GLS: variants seen among roughly 807,000 people sequenced by gnomAD.
The protein encoded by GLS is glutaminase kidney isoform, mitochondrial.
Under a neutral mutation model 86.7 loss-of-function variants are expected in GLS, and 36 were observed. That is an observed-to-expected ratio of 0.42 (90% CI 0.32 to 0.55). GLS has a LOEUF of 0.55. Ranked by LOEUF, GLS falls within the 20% of genes least tolerant of loss-of-function variation. The pLI is 0.17. For missense variants in GLS, 528 were observed against 833.4 expected, an observed-to-expected ratio of 0.63 and a Z score of 4.51; for synonymous variants, 317 against 305.9, an observed-to-expected ratio of 1.04 and a Z score of -0.38.
chr2:190,907,001 C>T (rs1304671667), intron 6 of GLS, among the ~76,000 whole-genome samples: 3 of 149,922 alleles, frequency 2.0e-5, no homozygotes, highest in Non-Finnish European at 4.4e-5. Flanking sequence ...ATGATCTCGG[C>T]TTACTGCAAG....
At chr2:190,946,719 G>A (rs1421108898) in intron 14 of GLS, among the ~76,000 whole-genome samples, 2 of 151,798 alleles carry the variant, frequency 1.3e-5, no homozygotes, top group Admixed American at 1.3e-4. Flanking sequence ...CTCCCCTCCC[G>A]CTTTGGTCCC....
At chr2:190,899,965 TTAA>T (rs1267505282) in intron 3 of GLS, among the ~76,000 whole-genome samples, 18 of 151,014 alleles carry the variant, frequency 1.2e-4, no homozygotes, top group Non-Finnish European at 2.5e-4. Flanking sequence ...TAATATAAAA[TTAA>T]TTATTACACT....
intron 7 of GLS, chr2:190,919,639 A>T: frequency 1.2e-6 from 1 of 812,270 alleles, no homozygotes; most frequent in Non-Finnish European, 1.5e-6. Context: ...ATTAGGATCT[A>T]TGGAATATTT....
Position 190,904,144 on chromosome 2 carries a change from C to CT in GLS, c.816-850dup, listed in dbSNP as rs1174255955. On this transcript the variant is annotated intron_variant, in intron 5 of 17. Transcript: ENST00000320717. The stretch of plus-strand genomic sequence containing the variant: ...TCTGTCATGTTTATAAAACTGGATG[C>CT]TTTTTTTTTTAATGGGGCCCAGGAT... Among the ~76,000 whole-genome samples, 123 of 144,338 alleles carry CT rather than the reference C, an allele frequency of 8.5e-4. 2 individuals are homozygous for CT. Among genetic ancestry groups the CT allele is most frequent in the Middle Eastern group, 3.6e-3 (1 of 280 alleles). The allele number at this position is 144,338 out of a possible 152,430, so 94.7% of individuals were successfully genotyped here. A position where few individuals can be genotyped will look rare whatever the true frequency, so the allele number is the denominator to read the frequency against.
At chr2:190,942,068 T>TC (rs1690452791) in intron 14 of GLS, among the ~76,000 whole-genome samples, 2 of 29,058 alleles carry the variant, frequency 6.9e-5, no homozygotes, top group Non-Finnish European at 1.2e-4. Context: ...CTTTGAAGAC[T>TC]TTTTTTTTTT....
Position 190,914,351 on chromosome 2 carries a change from T to C in GLS, c.1038+4030T>C, listed in dbSNP as rs1483875663. 2.0e-5 allele frequency among the ~76,000 whole-genome samples: 3 copies of C among 152,092 alleles called. No homozygotes were observed. Among genetic ancestry groups the C allele is most frequent in the Non-Finnish European group, 4.4e-5 (3 of 67,986 alleles). On this transcript the variant is annotated intron_variant, in intron 7 of 17. Transcript: ENST00000320717. The surrounding 1 kb of genome is among the most constrained non-coding windows in gnomAD (Gnocchi z 4.4). ...AGTTTGTGACTCTCAGAGTAATGCATGATGCCTTGGACTTGCAACATTCAG... is the reference window on the plus strand; with the variant it reads ...AGTTTGTGACTCTCAGAGTAATGCACGATGCCTTGGACTTGCAACATTCAG...
Position 190,905,151 on chromosome 2 carries a change from AT to A in GLS, c.968del (p.Leu323Ter), listed in dbSNP as rs758474624. 6.3e-7 allele frequency: 1 copy of A among 1,592,408 alleles called. No homozygotes were observed. Among genetic ancestry groups the A allele is most frequent in the Non-Finnish European group, 8.6e-7 (1 of 1,164,120 alleles). On this transcript the variant is annotated frameshift_variant, in exon 6 of 18. Coordinates refer to ENST00000320717, the MANE Select transcript of GLS (RefSeq NM_014905.5). LOFTEE classifies it high-confidence loss of function. This position sits in a 1 kb window ranked among gnomAD's most constrained non-coding sequence, Gnocchi z 4.6. ...EPSGLRFNKL[F>X]LNEDDKPHNP... ...CGAGTGGACTAAGATTCAACAAACT[AT>A]TTTTGAATGAAGATGGTAAGAATTA...
chr2:190,930,711 TC>T lies in GLS; in HGVS notation c.1557+146del. The T allele has an allele frequency of 1.6e-6, 1 of 637,644 alleles. No homozygotes were observed. The highest frequency in any genetic ancestry group is 2.4e-5 in the South Asian group (1 of 41,188). 39.5% of individuals were successfully genotyped at this position (637,644 alleles called of 1,614,324 possible). ...AGTTACTAGGGAGCCGTGGAAATAC[TC>T]CCAGAGGAGCTTCAAGTTGTCTCTG... On this transcript the variant is annotated intron_variant, in intron 13 of 17. Transcript: ENST00000320717. The surrounding 1 kb of genome is among the most constrained non-coding windows in gnomAD (Gnocchi z 5.0).
At chr2:190,922,934 A>G (rs1376111062) in intron 9 of GLS, among the ~76,000 whole-genome samples, 4 of 152,150 alleles carry the variant, frequency 2.6e-5, no homozygotes, top group Non-Finnish European at 5.9e-5. Flanking sequence ...AGATCCCTGT[A>G]TCAGTTAATA....
chr2:190,955,571 C>T lies in GLS; in HGVS notation c.1853+753C>T, dbSNP rs530795272. Among the ~76,000 whole-genome samples the T allele has an allele frequency of 6.6e-6, 1 of 152,136 alleles. No homozygotes were observed. The highest frequency in any genetic ancestry group is 1.5e-5 in the Non-Finnish European group (1 of 68,030). ...AGTTCCAAGTCTTTTCTATTGTGAACAGTGCCACAATAAACATACATGTGC... is the reference window on the plus strand; with the variant it reads ...AGTTCCAAGTCTTTTCTATTGTGAATAGTGCCACAATAAACATACATGTGC... On this transcript the variant is annotated intron_variant, in intron 17 of 17. Coordinates refer to ENST00000320717, the MANE Select transcript of GLS (RefSeq NM_014905.5). This position sits in a 1 kb window ranked among gnomAD's most constrained non-coding sequence, Gnocchi z 5.6.
intron 7 of GLS, among the ~76,000 whole-genome samples, chr2:190,918,000 G>A (rs777544555): frequency 2.0e-5 from 3 of 152,090 alleles, no homozygotes; most frequent in South Asian, 2.1e-4. Flanking sequence ...GTTGTAAACC[G>A]ATGTGGTCTT....
chr2:190,943,248 T>G lies in GLS; in HGVS notation c.1651-10317T>G, dbSNP rs1690494604. Among the ~76,000 whole-genome samples the G allele has an allele frequency of 6.6e-6, 1 of 152,216 alleles. No homozygotes were observed. Among genetic ancestry groups the G allele is most frequent in the Non-Finnish European group, 1.5e-5 (1 of 68,034 alleles). The stretch of plus-strand genomic sequence containing the variant: ...GTGATGTTGAGTAAGCAGTCAGATT[T>G]AGGCCTAAAACTTAGAGCAGTGTAA... On this transcript the variant is annotated intron_variant, in intron 14 of 17. Coordinates refer to ENST00000320717, the MANE Select transcript of GLS (RefSeq NM_014905.5). This position sits in a 1 kb window ranked among gnomAD's most constrained non-coding sequence, Gnocchi z 4.5.
intron 14 of GLS, among the ~76,000 whole-genome samples, chr2:190,952,288 G>A (rs991956982): frequency 1.3e-5 from 2 of 152,142 alleles, no homozygotes; most frequent in African/African-American, 2.4e-5. Flanking sequence ...TTTTGAAGTG[G>A]TATCAACACA....
At chr2:190,923,854 A>G (rs1404971205) in intron 9 of GLS, 63 bp from the exon 10 acceptor site, 3 of 997,694 alleles carry the variant, frequency 3.0e-6, no homozygotes, top group African/African-American at 3.2e-5. Flanking sequence ...TGCAAATGAA[A>G]TTATGAACAA....
At chr2:190,887,649 C>T (rs1479121120) in intron 1 of GLS, among the ~76,000 whole-genome samples, 1 of 151,994 alleles carries the variant, frequency 6.6e-6, no homozygotes, top group Non-Finnish European at 1.5e-5. Context: ...AATTTTTAAG[C>T]TCTATGAGGA....
intron 7 of GLS, among the ~76,000 whole-genome samples, chr2:190,919,232 C>A (rs768810343): frequency 6.6e-6 from 1 of 152,054 alleles, no homozygotes; most frequent in Admixed American, 6.6e-5. Context: ...ATGTTGAGTA[C>A]CCAAAATGTT....
rs114800211 is a variant in GLS at position 190,906,016 on chromosome 2, A to G, written c.979+849A>G. ...TTTTATTAGTTTGTAAGATGAAGTCATAAGACTGGTATTTTCTTATGCTTC... is the reference window on the plus strand; with the variant it reads ...TTTTATTAGTTTGTAAGATGAAGTCGTAAGACTGGTATTTTCTTATGCTTC... On this transcript the variant is annotated intron_variant, in intron 6 of 17. Coordinates refer to ENST00000320717, the MANE Select transcript of GLS (RefSeq NM_014905.5). Among the ~76,000 whole-genome samples the G allele has an allele frequency of 3.7e-4, 57 of 152,150 alleles. 1 individual carries two copies. The highest frequency in any genetic ancestry group is 1.2e-4 in the Non-Finnish European group (8 of 67,984).
At chr2:190,927,266 T>C (rs1689928864) in intron 11 of GLS, 40 bp from the exon 12 acceptor site, 1 of 1,450,992 alleles carries the variant, frequency 6.9e-7, no homozygotes, top group Non-Finnish European at 9.4e-7. Flanking sequence ...AACAGTAATA[T>C]TAAAAGTAGT....
Position 190,962,844 on chromosome 2 carries a change from C to G in GLS, c.1868C>G (p.Pro623Arg), listed in dbSNP as rs1449399439. 6.4e-7 allele frequency: 1 copy of G among 1,561,062 alleles called. No individual in the cohort carries two copies. Among genetic ancestry groups the G allele is most frequent in the Non-Finnish European group, 8.6e-7 (1 of 1,159,432 alleles). The change falls in exon 18 of 18, where the codon CCC becomes CGC. Residue 623 changes from proline (P) to arginine (R), a missense_variant. By Grantham distance (103) the Pro-to-Arg change is moderately radical. Around this residue, in one of 4 missense-constraint regions of GLS, gnomAD observed 163 missense variants for 429.2 expected, o/e 0.38. Transcript: ENST00000320717. This position sits in a 1 kb window ranked among gnomAD's most constrained non-coding sequence, Gnocchi z 4.2. ...TACGTGTTTAGGTGGAATAACACTCCCATGGATGAAGCACTGCACTTTGGA... is the reference window on the plus strand; with the variant it reads ...TACGTGTTTAGGTGGAATAACACTCGCATGGATGAAGCACTGCACTTTGGA... ...PFPKDRWNNT[P>R]MDEALHFGHH...
Sources: allele counts gnomAD v4.1 joint callset (sites outside exome capture counted in the v4.1 genomes callset), GRCh38; gene constraint gnomAD v4.1.1; regional missense constraint gnomAD v4.1.1; non-coding constraint Gnocchi (gnomAD v3.1); transcripts MANE v1.5; gene names NCBI Gene and HGNC (gene_info 2026-07-23, HGNC 2026-07-21).